PPFIBP1: variants seen among roughly 807,000 people sequenced by gnomAD.
PPFIBP1 encodes liprin-beta-1.
PPFIBP1 carries 112 observed loss-of-function variants against 137.8 expected under a neutral mutation model. That is an observed-to-expected ratio of 0.81 (90% CI 0.70 to 0.95). The LOEUF (loss-of-function observed/expected upper bound fraction) is 0.95, where lower values mean the gene tolerates loss of function less well. Ranked by LOEUF, PPFIBP1 falls within the 40% of genes least tolerant of loss-of-function variation. The probability of loss-of-function intolerance (pLI) is 0.00; values close to 1 mark genes in which losing one functional copy is unlikely to be tolerated. For missense variants in PPFIBP1, 1,083 were observed against 1,196.6 expected (o/e 0.91, Z 1.40); for synonymous variants, 378 against 417.3 (o/e 0.91, Z 1.15).
intron 2 of PPFIBP1, among the ~76,000 whole-genome samples, chr12:27,627,408 T>A (rs2056909207): frequency 6.6e-6 from 1 of 152,216 alleles, no homozygotes; most frequent in Non-Finnish European, 1.5e-5. Context: ...CATAGTCGAA[T>A]GTATGTGAAC....
At chr12:27,545,778 G>GTCC (rs1946173009) in intron 1 of PPFIBP1, among the ~76,000 whole-genome samples, 1 of 152,170 alleles carries the variant, frequency 6.6e-6, no homozygotes, top group South Asian at 2.1e-4. Flanking sequence ...GGGACAGAAG[G>GTCC]CTTTCCTAGG....
At chr12:27,623,182 G>T (rs1403969914) in intron 2 of PPFIBP1, among the ~76,000 whole-genome samples, 2 of 152,116 alleles carry the variant, frequency 1.3e-5, no homozygotes, top group East Asian at 3.8e-4. Flanking sequence ...GAAGAATGAG[G>T]TTAGAGTTAG....
intron 2 of PPFIBP1, among the ~76,000 whole-genome samples, chr12:27,598,458 A>C (rs1046446346): frequency 6.6e-6 from 1 of 152,200 alleles, no homozygotes; most frequent in African/African-American, 2.4e-5. Context: ...CCCTCCCACA[A>C]CACCAGAGAA....
At chr12:27,583,138 C>G (rs1023308583) in intron 2 of PPFIBP1, among the ~76,000 whole-genome samples, 5 of 152,208 alleles carry the variant, frequency 3.3e-5, no homozygotes, top group Admixed American at 6.5e-5. Context: ...CTCTTGATTT[C>G]TGATTAGCTG....
intron 3 of PPFIBP1, among the ~76,000 whole-genome samples, chr12:27,633,897 G>T (rs1255811322): frequency 6.8e-6 from 1 of 147,398 alleles, no homozygotes; most frequent in Non-Finnish European, 1.5e-5. Flanking sequence ...GAGTGCAGTG[G>T]TACAATCTCA....
chr12:27,538,469 C>T (rs1284090345), intron 1 of PPFIBP1, among the ~76,000 whole-genome samples: 6 of 152,172 alleles, frequency 3.9e-5, no homozygotes, highest in South Asian at 2.1e-4. Flanking sequence ...TTAATTATGA[C>T]GTAGCACTAG....
At chr12:27,595,400 C>G (rs904505575) in intron 2 of PPFIBP1, among the ~76,000 whole-genome samples, 1 of 152,100 alleles carries the variant, frequency 6.6e-6, no homozygotes, top group African/African-American at 2.4e-5. Flanking sequence ...CTTCACATCC[C>G]GAGTCTCAGT....
At chr12:27,606,623 C>T (rs118170061) in intron 2 of PPFIBP1, among the ~76,000 whole-genome samples, 7 of 152,188 alleles carry the variant, frequency 4.6e-5, no homozygotes, top group Non-Finnish European at 7.4e-5. Flanking sequence ...GATGTCTGGG[C>T]CGAAAATAAA....
At position 27,582,787 on chromosome 12, in the gene PPFIBP1, G is replaced by A. The variant is rs542351073; in HGVS notation, c.-36+4548G>A. 1.5e-4 allele frequency among the ~76,000 whole-genome samples: 23 copies of A among 152,318 alleles called. No homozygotes were observed. In the South Asian group the frequency reaches 1.9e-3, roughly 12 times the overall value. ...ACTGTAGAAATTATAGCAGCTTTCC[G>A]ATTGAAATAGCCCTGAGAGTTTCTT... On this transcript the variant is annotated intron_variant, in intron 2 of 29. Transcript: ENST00000228425.
chr12:27,673,692 C>A, intron 15 of PPFIBP1, 75 bp from the exon 16 acceptor site: 1 of 1,306,360 alleles, frequency 7.7e-7, no homozygotes, highest in Admixed American at 2.0e-5. Flanking sequence ...ATTTTAGTTT[C>A]TTTCCAAGAT....
rs534131321 is a variant in PPFIBP1, at chr12:27,677,185, C to T, written c.1615+89C>T. On this transcript the variant is annotated intron_variant, in intron 19 of 29. Coordinates refer to ENST00000228425, the MANE Select transcript of PPFIBP1 (RefSeq NM_003622.4). The stretch of plus-strand genomic sequence containing the variant: ...CTTGGCATCTGTGATCTCTAGAAAG[C>T]GATCTGACAGCAATCAGAAAATGTA... The T allele has an allele frequency of 8.8e-5, 129 of 1,469,736 alleles. 1 individual carries two copies. Among genetic ancestry groups the T allele is most frequent in the African/African-American group, 5.6e-4 (40 of 71,998 alleles). 91.0% of individuals were successfully genotyped at this position (1,469,736 alleles called of 1,614,324 possible). A position where few individuals can be genotyped will look rare whatever the true frequency, so the allele number is the denominator to read the frequency against.
At chr12:27,543,104 G>A (rs1344938939) in intron 1 of PPFIBP1, among the ~76,000 whole-genome samples, 3 of 151,958 alleles carry the variant, frequency 2.0e-5, no homozygotes, top group South Asian at 2.1e-4. Context: ...GGGTCTTTAC[G>A]CCAGACCTTG....
chr12:27,549,683 GATAAA>G (rs72157532), intron 1 of PPFIBP1, among the ~76,000 whole-genome samples: 36,654 of 151,860 alleles, frequency 0.24, 4,810 homozygotes, highest in Admixed American at 0.33. Context: ...AATGGGAAAA[GATAAA>G]ATAAAAAACA....
Position 27,687,439 on chromosome 12 carries a change from A to G in PPFIBP1, c.2302A>G (p.Arg768Gly), listed in dbSNP as rs2061269674. Residue 768 changes from arginine to glycine, a missense_variant, in exon 25 of 30, where the codon AGG (arginine) becomes GGG (glycine). Coordinates refer to ENST00000228425, the MANE Select transcript of PPFIBP1 (RefSeq NM_003622.4). ...VSVLHHLSIK[R>G]AIQVLRINNF... ...TGTGCTACACCATCTCAGTATCAAA[A>G]GGGCCATCCAGGTCCTGAGGATCAA... The G allele has an allele frequency of 3.1e-6, 5 of 1,613,908 alleles. No homozygotes were observed. The highest frequency in any genetic ancestry group is 1.1e-5 in the South Asian group (1 of 91,084).
intron 1 of PPFIBP1, among the ~76,000 whole-genome samples, chr12:27,544,571 A>T (rs1422355218): frequency 6.6e-6 from 1 of 152,218 alleles, no homozygotes; most frequent in Non-Finnish European, 1.5e-5. Flanking sequence ...CCCATCAAAA[A>T]GTGCGCAAAG....
intron 4 of PPFIBP1, among the ~76,000 whole-genome samples, chr12:27,643,894 A>C (rs1373004902): frequency 7.5e-6 from 1 of 132,918 alleles, no homozygotes; most frequent in African/African-American, 3.0e-5. Flanking sequence ...TGTAAATATC[A>C]ATACAGTACT....
intron 2 of PPFIBP1, chr12:27,599,232 G>A (rs1297139424): frequency 4.7e-6 from 1 of 211,626 alleles, no homozygotes; most frequent in African/African-American, 2.3e-5. Context: ...AGTAGACCCA[G>A]GAAAGCAGAT....
At chr12:27,568,540 T>G (rs2049879725) in intron 1 of PPFIBP1, among the ~76,000 whole-genome samples, 1 of 152,226 alleles carries the variant, frequency 6.6e-6, no homozygotes. Context: ...TGTTTTGCTT[T>G]GGAAGCAGAT....
At chr12:27,553,819 G>A (rs1356170978) in intron 1 of PPFIBP1, among the ~76,000 whole-genome samples, 1 of 152,172 alleles carries the variant, frequency 6.6e-6, no homozygotes, top group African/African-American at 2.4e-5. Flanking sequence ...CGATCAAATG[G>A]TTCCTTAAGT....
Sources: allele counts gnomAD v4.1 joint callset (sites outside exome capture counted in the v4.1 genomes callset), GRCh38; gene constraint gnomAD v4.1.1; transcripts MANE v1.5; gene names NCBI Gene and HGNC (gene_info 2026-07-23, HGNC 2026-07-21).